The following GAREM1 variants were observed in gnomAD, a reference collection of about 807,000 sequenced individuals.
GAREM1 encodes the protein GRB2-associated and regulator of MAPK protein 1.
In GAREM1, 26 loss-of-function variants were observed where a neutral mutation model predicts 71.3. The ratio of observed to expected loss-of-function variants is 0.36; its 90% CI spans 0.27 to 0.51. The LOEUF is 0.51. Among genes scored for constraint, GAREM1 ranks in the 20% least tolerant of loss-of-function variants. The probability of loss-of-function intolerance (pLI) is 0.95; values close to 1 mark genes in which losing one functional copy is unlikely to be tolerated. For synonymous variants in GAREM1, 440 were observed against 433.2 expected (o/e 1.02, Z -0.20); for missense variants, 1,026 against 1,103.1 (o/e 0.93, Z 0.99).
At chr18:32,383,332 G>T (rs1440268680) in intron 2 of GAREM1, among the ~76,000 whole-genome samples, 1 of 152,154 alleles carries the variant, frequency 6.6e-6, no homozygotes, top group Non-Finnish European at 1.5e-5. Flanking sequence ...AGGGTTAACA[G>T]AAAGCCAGCA....
chr18:32,365,272 C>T (rs1455660025), intron 2 of GAREM1, among the ~76,000 whole-genome samples: 1 of 152,110 alleles, frequency 6.6e-6, no homozygotes, highest in Admixed American at 6.5e-5. Flanking sequence ...TTCCAATATT[C>T]CACTATTTAT....
rs979120253 is a variant in GAREM1 at position 32,269,919 on chromosome 18, C to T, written c.1733+298G>A. ...CAAAGTGGAAAGAACCAGATGCTGA[C>T]TTGTGAGAACTGATGGCAGCCCCCG... On this transcript the variant is annotated intron_variant, in intron 5 of 5. Transcript: ENST00000269209. Among the ~76,000 whole-genome samples, 9 of 152,174 alleles carry T rather than the reference C, an allele frequency of 5.9e-5. No homozygotes were observed. In the East Asian group the frequency reaches 1.2e-3, roughly 20 times the overall value.
intron 4 of GAREM1, among the ~76,000 whole-genome samples, chr18:32,286,609 A>T (rs1370099861): frequency 6.6e-6 from 1 of 152,094 alleles, no homozygotes; most frequent in Non-Finnish European, 1.5e-5. Context: ...CCAACTCACA[A>T]GTAAATATTG....
intron 2 of GAREM1, among the ~76,000 whole-genome samples, chr18:32,313,150 G>A (rs142145370): frequency 4.6e-4 from 70 of 152,276 alleles, no homozygotes; most frequent in Non-Finnish European, 7.5e-4. Flanking sequence ...AGCCAGAGCC[G>A]AGACTACCAA....
intron 2 of GAREM1, among the ~76,000 whole-genome samples, chr18:32,327,043 A>G (rs749194933): frequency 1.3e-5 from 2 of 152,246 alleles, no homozygotes; most frequent in Non-Finnish European, 2.9e-5. Context: ...TTTCTAATGT[A>G]AGACCAGGCT....
At chr18:32,411,415 T>C (rs571295645) in intron 1 of GAREM1, among the ~76,000 whole-genome samples, 1 of 152,254 alleles carries the variant, frequency 6.6e-6, no homozygotes, top group African/African-American at 2.4e-5. Context: ...AAACATAAAA[T>C]ACAAAAGAAT....
chr18:32,429,511 T>C (rs1206289787), intron 1 of GAREM1, among the ~76,000 whole-genome samples: 2 of 152,200 alleles, frequency 1.3e-5, no homozygotes, highest in East Asian at 1.9e-4. Context: ...ATTATAGCCA[T>C]AGTCACCTTA....
chr18:32,464,925 G>A (rs1350596224), intron 1 of GAREM1, among the ~76,000 whole-genome samples: 2 of 152,188 alleles, frequency 1.3e-5, no homozygotes, highest in Non-Finnish European at 2.9e-5. Flanking sequence ...CACATAGCAG[G>A]GGCTTAGTTA....
intron 2 of GAREM1, among the ~76,000 whole-genome samples, chr18:32,392,646 G>C (rs2048214096): frequency 6.6e-6 from 1 of 152,128 alleles, no homozygotes; most frequent in Admixed American, 6.5e-5. Context: ...CAAGACAATA[G>C]AGGTGTTTTA....
At chr18:32,356,564 C>T (rs2047807911) in intron 2 of GAREM1, among the ~76,000 whole-genome samples, 1 of 152,178 alleles carries the variant, frequency 6.6e-6, no homozygotes, top group African/African-American at 2.4e-5. Flanking sequence ...ACAAACTCAA[C>T]AACTACTACT....
chr18:32,462,589 T>C (rs1464974243), intron 1 of GAREM1, among the ~76,000 whole-genome samples: 3 of 152,244 alleles, frequency 2.0e-5, no homozygotes. Context: ...TTGTTTCCTT[T>C]GTCATGCAGA....
chr18:32,344,052 C>A (rs1049697848), intron 2 of GAREM1, among the ~76,000 whole-genome samples: 1 of 152,170 alleles, frequency 6.6e-6, no homozygotes, highest in Admixed American at 6.5e-5. Context: ...GTATCCTATT[C>A]TGGTCTCCTC....
At chr18:32,466,495 T>C (rs2049000117) in intron 1 of GAREM1, among the ~76,000 whole-genome samples, 1 of 152,176 alleles carries the variant, frequency 6.6e-6, no homozygotes, top group Non-Finnish European at 1.5e-5. Context: ...ATGAAAAGTT[T>C]TAGCATTTAA....
chr18:32,299,271 T>C (rs923608874), intron 3 of GAREM1, among the ~76,000 whole-genome samples: 2 of 151,916 alleles, frequency 1.3e-5, no homozygotes, highest in Non-Finnish European at 2.9e-5. Context: ...TCCCAGCACT[T>C]TGGGAGGCGG....
chr18:32,299,067 G>A (rs1260818540), intron 3 of GAREM1, among the ~76,000 whole-genome samples: 2 of 152,050 alleles, frequency 1.3e-5, no homozygotes, highest in African/African-American at 4.8e-5. Context: ...CAAAACCTCA[G>A]ATGACAAAAA....
At chr18:32,408,000 T>C (rs1027533518) in intron 1 of GAREM1, among the ~76,000 whole-genome samples, 1 of 152,068 alleles carries the variant, frequency 6.6e-6, no homozygotes, top group African/African-American at 2.4e-5. Context: ...AAACTAACTC[T>C]ACTAAAGGTG....
intron 1 of GAREM1, among the ~76,000 whole-genome samples, chr18:32,401,370 A>G (rs574759011): frequency 7.1e-6 from 1 of 141,590 alleles, no homozygotes; most frequent in African/African-American, 3.1e-5. Flanking sequence ...AAAAAGAAAT[A>G]AAAAGAAGAC....
intron 1 of GAREM1, among the ~76,000 whole-genome samples, chr18:32,430,965 C>G (rs2048618712): frequency 6.6e-6 from 1 of 152,112 alleles, no homozygotes; most frequent in Non-Finnish European, 1.5e-5. Context: ...AGGGATATCA[C>G]AGAGAGAAAG....
intron 2 of GAREM1, among the ~76,000 whole-genome samples, chr18:32,376,107 T>C (rs1306955773): frequency 1.3e-5 from 2 of 152,060 alleles, no homozygotes; most frequent in African/African-American, 2.4e-5. Context: ...AGGAAACCTA[T>C]TGATAAAATC....
Sources: allele counts gnomAD v4.1 joint callset (sites outside exome capture counted in the v4.1 genomes callset), GRCh38; gene constraint gnomAD v4.1.1; transcripts MANE v1.5; gene names NCBI Gene and HGNC (gene_info 2026-07-23, HGNC 2026-07-21).